The following SGCZ variants were observed in gnomAD, a reference collection of about 807,000 sequenced individuals.
SGCZ encodes zeta-sarcoglycan.
Under a neutral mutation model 41.3 loss-of-function variants are expected in SGCZ, and 40 were observed. The ratio of observed to expected loss-of-function variants is 0.97; its 90% CI spans 0.75 to 1.26. The LOEUF (loss-of-function observed/expected upper bound fraction) is 1.26, where lower values mean the gene tolerates loss of function less well. Among genes scored for constraint, SGCZ ranks in the 50% most tolerant of loss-of-function variants. The pLI, the probability that SGCZ is intolerant of heterozygous loss-of-function variation, is 0.00. For synonymous variants in SGCZ, 206 were observed against 137.5 expected, an observed-to-expected ratio of 1.50 and a Z score of -3.49; for missense variants, 552 against 369.8, an observed-to-expected ratio of 1.49 and a Z score of -4.04.
At chr8:15,076,919 G>C (rs1805554421) in intron 1 of SGCZ, among the ~76,000 whole-genome samples, 1 of 152,064 alleles carries the variant, frequency 6.6e-6, no homozygotes, top group Non-Finnish European at 1.5e-5. Flanking sequence ...AACCTTCATA[G>C]AATATGCTTC....
At chr8:14,101,344 AAAAAGACCATAGAAAATTGGG>A (rs1026800659) in intron 7 of SGCZ, among the ~76,000 whole-genome samples, 22 of 152,166 alleles carry the variant, frequency 1.4e-4, no homozygotes, top group African/African-American at 4.8e-4. Context: ...AGAGTTTCAG[AAAAAGACCATAGAAAATTGGG>A]AAAAGACCAT....
intron 1 of SGCZ, among the ~76,000 whole-genome samples, chr8:14,793,345 T>C (rs1186385387): frequency 6.6e-6 from 1 of 152,220 alleles, no homozygotes. Flanking sequence ...TCAATGTTAA[T>C]TTATGAAAAT....
intron 1 of SGCZ, among the ~76,000 whole-genome samples, chr8:15,090,722 T>C (rs950798141): frequency 6.6e-6 from 1 of 152,174 alleles, no homozygotes; most frequent in Non-Finnish European, 1.5e-5. Context: ...AGATGGTTAA[T>C]GATGTGTGAG....
At chr8:14,256,907 G>A (rs1177076768) in intron 3 of SGCZ, among the ~76,000 whole-genome samples, 3 of 151,738 alleles carry the variant, frequency 2.0e-5, no homozygotes, top group Non-Finnish European at 1.5e-5. Context: ...TCACCATTAC[G>A]GCCAGAACAC....
intron 1 of SGCZ, among the ~76,000 whole-genome samples, chr8:15,150,140 CA>C (rs1799138654): frequency 6.6e-6 from 1 of 152,094 alleles, no homozygotes; most frequent in African/African-American, 2.4e-5. Flanking sequence ...TCCTTCTTTA[CA>C]AATTTATCTA....
intron 1 of SGCZ, among the ~76,000 whole-genome samples, chr8:14,559,203 G>A (rs1804132262): frequency 1.3e-5 from 2 of 152,004 alleles, no homozygotes; most frequent in Admixed American, 1.3e-4. Context: ...ACTGTTTGCT[G>A]ATGATATGAT....
chr8:14,553,890 G>A (rs1165553413), intron 2 of SGCZ, among the ~76,000 whole-genome samples: 2 of 152,058 alleles, frequency 1.3e-5, no homozygotes, highest in Non-Finnish European at 2.9e-5. Context: ...AGTCTGGTCA[G>A]CAGTGAAAGA....
At chr8:14,643,709 G>C (rs1217050968) in intron 1 of SGCZ, among the ~76,000 whole-genome samples, 1 of 151,636 alleles carries the variant, frequency 6.6e-6, no homozygotes, top group East Asian at 1.9e-4. Flanking sequence ...AAAAATCAAA[G>C]CTTGGAAATA....
At chr8:14,328,165 C>T (rs1004992447) in intron 2 of SGCZ, among the ~76,000 whole-genome samples, 1 of 152,150 alleles carries the variant, frequency 6.6e-6, no homozygotes, top group Non-Finnish European at 1.5e-5. Flanking sequence ...TATAATCAAC[C>T]TGACTCTCAC....
intron 1 of SGCZ, among the ~76,000 whole-genome samples, chr8:15,034,030 A>C (rs1803782776): frequency 6.6e-6 from 1 of 152,176 alleles, no homozygotes; most frequent in Non-Finnish European, 1.5e-5. Context: ...TACAGGCTTC[A>C]ACCTAAATTA....
At chr8:15,063,815 A>C (rs1805025973) in intron 1 of SGCZ, among the ~76,000 whole-genome samples, 1 of 152,152 alleles carries the variant, frequency 6.6e-6, no homozygotes, top group African/African-American at 2.4e-5. Flanking sequence ...AGTACTTTTA[A>C]AATTTAACTT....
At chr8:14,189,295 A>G (rs1805015601) in intron 4 of SGCZ, among the ~76,000 whole-genome samples, 4 of 152,138 alleles carry the variant, frequency 2.6e-5, no homozygotes, top group Admixed American at 1.3e-4. Context: ...AGCCAGAGTC[A>G]TATATTTTTA....
chr8:14,446,184 GC>G (rs1200042896), intron 2 of SGCZ, among the ~76,000 whole-genome samples: 4 of 152,112 alleles, frequency 2.6e-5, no homozygotes, highest in Non-Finnish European at 5.9e-5. Context: ...TCTTCAGCAA[GC>G]CCAGCTGCTG....
At chr8:15,167,190 T>G (rs1228194655) in intron 1 of SGCZ, among the ~76,000 whole-genome samples, 1 of 152,258 alleles carries the variant, frequency 6.6e-6, no homozygotes, top group Non-Finnish European at 1.5e-5. Context: ...GCTATTTGCA[T>G]CAGTGCAATA....
chr8:14,928,440 C>G (rs905504381), intron 1 of SGCZ, among the ~76,000 whole-genome samples: 1 of 152,024 alleles, frequency 6.6e-6, no homozygotes, highest in African/African-American at 2.4e-5. Context: ...TACTATAAAA[C>G]GCGATGACAA....
chr8:14,246,523 C>G (rs1254295751), intron 3 of SGCZ, among the ~76,000 whole-genome samples: 4 of 151,512 alleles, frequency 2.6e-5, no homozygotes, highest in Non-Finnish European at 5.9e-5. Flanking sequence ...GTGCAGCACA[C>G]CAGCATGGCA....
intron 1 of SGCZ, among the ~76,000 whole-genome samples, chr8:14,781,077 G>A (rs567504851): frequency 6.6e-6 from 1 of 151,964 alleles, no homozygotes; most frequent in Non-Finnish European, 1.5e-5. Flanking sequence ...TATGCCTGAG[G>A]GATGCAGTCA....
chr8:14,774,079 G>A (rs1800329066), intron 1 of SGCZ, among the ~76,000 whole-genome samples: 1 of 152,104 alleles, frequency 6.6e-6, no homozygotes, highest in Non-Finnish European at 1.5e-5. Context: ...GTTTTTCGTT[G>A]AGATTAACAT....
intron 2 of SGCZ, among the ~76,000 whole-genome samples, chr8:14,338,373 C>T (rs1182019024): frequency 2.0e-5 from 3 of 152,148 alleles, no homozygotes; most frequent in Non-Finnish European, 4.4e-5. Flanking sequence ...AGGGTAGACA[C>T]CCACGTGGGT....
Sources: gnomAD v4.1 joint callset for allele counts (sites outside exome capture counted in the v4.1 genomes callset) on GRCh38, gnomAD v4.1.1 for gene constraint, MANE v1.5 for transcripts, NCBI Gene and HGNC (gene_info 2026-07-23, HGNC 2026-07-21) for gene names.